The following RCAN3 variants were observed in gnomAD, a reference collection of about 807,000 sequenced individuals.
RCAN3 encodes the protein regulator of calcineurin 3, also known as calcipressin-3.
A neutral mutation model predicts 21.9 loss-of-function variants in RCAN3; 19 were observed. The observed-to-expected ratio is 0.87, with a 90% CI of 0.61 to 1.27. The LOEUF (loss-of-function observed/expected upper bound fraction) is 1.27, where lower values mean the gene tolerates loss of function less well. Ranked by LOEUF, RCAN3 falls within the 50% of genes most tolerant of loss-of-function variation. RCAN3 has a pLI of 0.00. For missense variants in RCAN3, 240 were observed against 300.1 expected, an observed-to-expected ratio of 0.80 and a Z score of 1.48; for synonymous variants, 114 against 112.3, an observed-to-expected ratio of 1.01 and a Z score of -0.09.
At chr1:24,533,413 C>A (rs1272481659) in intron 4 of RCAN3, among the ~76,000 whole-genome samples, 159 bp downstream of exon 4, 1 of 152,212 alleles carries the variant, frequency 6.6e-6, no homozygotes, top group Non-Finnish European at 1.5e-5. Context: ...GCTCTGTGAT[C>A]TTGAACAAGT....
intron 1 of RCAN3, among the ~76,000 whole-genome samples, chr1:24,505,929 AT>A (rs1303567391): frequency 6.6e-6 from 1 of 152,168 alleles, no homozygotes; most frequent in Non-Finnish European, 1.5e-5. Context: ...TGTGCTTGAC[AT>A]TTTGCCTTGA....
At chr1:24,524,835 T>G (rs1008832333) in intron 2 of RCAN3, among the ~76,000 whole-genome samples, 202 of 148,674 alleles carry the variant, frequency 1.4e-3, no homozygotes, top group African/African-American at 4.5e-3. Context: ...TTTGTTTTTT[T>G]TTTTTTTTTT....
In RCAN3 at chr1:24,533,212, A is replaced by G; in HGVS notation, c.499A>G (p.Ile167Val). The change falls in exon 4 of 5, where the codon ATA becomes GTA. Residue 167 changes from isoleucine (I) to valine (V), a missense_variant. Transcript: ENST00000374395. ...WKQSEDAMPV[I>V]NYDLLCAVSK... is the part of the protein sequence containing the mutation. Reference sequence around the variant, plus strand: ...GCAGAGCGAAGATGCGATGCCTGTTATAAATTATGATTTACTCTGTGCTGT... The same window carrying G: ...GCAGAGCGAAGATGCGATGCCTGTTGTAAATTATGATTTACTCTGTGCTGT... 6.2e-7 allele frequency: 1 copy of G among 1,602,500 alleles called. No individual in the cohort carries two copies. Among genetic ancestry groups the G allele is most frequent in the Admixed American group, 1.8e-5 (1 of 57,118 alleles).
At chr1:24,529,133 C>T (rs909293371) in intron 2 of RCAN3, among the ~76,000 whole-genome samples, 4 of 152,122 alleles carry the variant, frequency 2.6e-5, no homozygotes, top group African/African-American at 4.8e-5. Context: ...AATCAACTGG[C>T]GCAGTTGCTC....
At chr1:24,509,118 G>A (rs1310088308) in intron 1 of RCAN3, among the ~76,000 whole-genome samples, 5 of 152,142 alleles carry the variant, frequency 3.3e-5, no homozygotes, top group Non-Finnish European at 5.9e-5. Context: ...ACATGATCAC[G>A]CCACTGCACT....
intron 2 of RCAN3, among the ~76,000 whole-genome samples, chr1:24,528,638 G>A (rs1387175946): frequency 6.6e-6 from 1 of 152,164 alleles, no homozygotes; most frequent in Non-Finnish European, 1.5e-5. Flanking sequence ...ATGATTAAAA[G>A]TTCCATTCAC....
At chr1:24,508,793 C>A (rs1158881343) in intron 1 of RCAN3, among the ~76,000 whole-genome samples, 1 of 152,168 alleles carries the variant, frequency 6.6e-6, no homozygotes, top group Non-Finnish European at 1.5e-5. Flanking sequence ...ATACTATAGT[C>A]TATTAAGTGT....
chr1:24,502,471 C>T (rs1178823861), upstream of RCAN3: 1 of 152,494 alleles, frequency 6.6e-6, no homozygotes, highest in East Asian at 1.9e-4. Flanking sequence ...GAGGTAAACT[C>T]GCCGCGCGCG....
rs1047604580 is a variant in RCAN3 at position 24,511,245 on chromosome 1, G to A, written c.-59-3069G>A. Among the ~76,000 whole-genome samples, 13 of 152,214 alleles carry A rather than the reference G, an allele frequency of 8.5e-5. No individual in the cohort carries two copies. In the East Asian group the frequency reaches 1.4e-3, roughly 16 times the overall value. ...GGAGAATCGCTTGAACCCGGGAGGC[G>A]GAGGCTGCAGTGAGCCAAGATAGCA... On this transcript the variant is annotated intron_variant, in intron 1 of 4. Transcript: ENST00000374395.
chr1:24,506,749 T>C (rs907859097), intron 1 of RCAN3, among the ~76,000 whole-genome samples: 1 of 149,660 alleles, frequency 6.7e-6, no homozygotes, highest in East Asian at 2.0e-4. Flanking sequence ...AGGTGTGATA[T>C]TCTAAGAATT....
intron 2 of RCAN3, among the ~76,000 whole-genome samples, chr1:24,529,983 A>C (rs1480044091): frequency 6.8e-6 from 1 of 147,678 alleles, no homozygotes; most frequent in Non-Finnish European, 1.5e-5. Context: ...TAGGCAATAT[A>C]GCAAGACCCC....
chr1:24,518,593 T>C (rs1648533295), intron 2 of RCAN3, among the ~76,000 whole-genome samples: 1 of 151,380 alleles, frequency 6.6e-6, no homozygotes, highest in African/African-American at 2.4e-5. Context: ...TTTTTTTTTT[T>C]CTCTGTCTTT....
intron 1 of RCAN3, among the ~76,000 whole-genome samples, chr1:24,511,005 CCTA>C (rs1647832944): frequency 6.6e-6 from 1 of 152,086 alleles, no homozygotes; most frequent in South Asian, 2.1e-4. Flanking sequence ...AGTTAGAACA[CCTA>C]CAACAAATAT....
At chr1:24,502,710 C>A (rs982759900), upstream of RCAN3, among the ~76,000 whole-genome samples, 7 of 151,340 alleles carry the variant, frequency 4.6e-5, no homozygotes, top group Admixed American at 3.9e-4. Context: ...CCCGGAGGAG[C>A]GGGAGGAGGG....
At chr1:24,509,082 G>A (rs1647686708) in intron 1 of RCAN3, among the ~76,000 whole-genome samples, 1 of 152,136 alleles carries the variant, frequency 6.6e-6, no homozygotes. Flanking sequence ...GATCACCTGA[G>A]CATGGGAAGG....
chr1:24,513,240 A>G (rs956480800), intron 1 of RCAN3, among the ~76,000 whole-genome samples: 3 of 151,910 alleles, frequency 2.0e-5, no homozygotes, highest in African/African-American at 7.3e-5. Flanking sequence ...CTGTCTCAAA[A>G]AAAAGTTCAG....
intron 2 of RCAN3, among the ~76,000 whole-genome samples, chr1:24,521,015 C>T (rs1054839558): frequency 6.6e-6 from 1 of 152,000 alleles, no homozygotes; most frequent in Middle Eastern, 3.4e-3. Context: ...GTCTTGAAAA[C>T]AAAGAACAAA....
At position 24,540,324 on chromosome 1, in the gene RCAN3, C is replaced by T. The variant is rs989942777; in HGVS notation, c.*5047C>T. ...CAGCGTAAAGATCTTTCACTAAATT[C>T]GTTATGTGGTCTGTCTGGATGTAAA... On this transcript the variant is annotated 3_prime_UTR_variant, in exon 5 of 5. Coordinates refer to ENST00000374395, the MANE Select transcript of RCAN3 (RefSeq NM_013441.4). The T allele has an allele frequency of 2.6e-5, 4 of 152,414 alleles. No individual in the cohort carries two copies. The highest frequency in any genetic ancestry group is 5.9e-5 in the Non-Finnish European group (4 of 68,034). 9.4% of individuals were successfully genotyped at this position (152,414 alleles called of 1,614,324 possible).
At chr1:24,508,676 A>G (rs557505034) in intron 1 of RCAN3, among the ~76,000 whole-genome samples, 1 of 152,206 alleles carries the variant, frequency 6.6e-6, no homozygotes, top group Non-Finnish European at 1.5e-5. Flanking sequence ...CTGGGTTTCA[A>G]CTACAGGCTT....
Sources: gnomAD v4.1 joint callset for allele counts (sites outside exome capture counted in the v4.1 genomes callset) on GRCh38, gnomAD v4.1.1 for gene constraint, MANE v1.5 for transcripts, NCBI Gene and HGNC (gene_info 2026-07-23, HGNC 2026-07-21) for gene names.